Variants in NR3C2 observed in about 807,000 individuals in gnomAD.
NR3C2 encodes the protein mineralocorticoid receptor.
In NR3C2, 15 loss-of-function variants were observed where a neutral mutation model predicts 86.4. That is an observed-to-expected ratio of 0.17 (90% CI 0.12 to 0.27). The LOEUF (loss-of-function observed/expected upper bound fraction) is 0.27. Among genes scored for constraint, NR3C2 ranks in the 10% least tolerant of loss-of-function variants. The pLI is 1.00. For synonymous variants in NR3C2, 458 were observed against 450.5 expected, an observed-to-expected ratio of 1.02 and a Z score of -0.21; for missense variants, 960 against 1,195.6, an observed-to-expected ratio of 0.80 and a Z score of 2.91.
At chr4:148,202,098 C>T (rs975998805) in intron 3 of NR3C2, among the ~76,000 whole-genome samples, 1 of 152,218 alleles carries the variant, frequency 6.6e-6, no homozygotes, top group Non-Finnish European at 1.5e-5. Flanking sequence ...TGACTTATCA[C>T]ACATTGGGAA....
intron 2 of NR3C2, among the ~76,000 whole-genome samples, chr4:148,429,147 T>A (rs1749686043): frequency 6.6e-6 from 1 of 152,166 alleles, no homozygotes. Context: ...AAATACCAAC[T>A]CTGATCATCC....
chr4:148,370,638 T>C (rs928454470), intron 2 of NR3C2, among the ~76,000 whole-genome samples: 1 of 152,232 alleles, frequency 6.6e-6, no homozygotes, highest in Middle Eastern at 3.4e-3. Flanking sequence ...ATGAAGTTTA[T>C]AAGAAATTAA....
At chr4:148,227,662 T>C (rs1738245874) in intron 3 of NR3C2, among the ~76,000 whole-genome samples, 1 of 152,224 alleles carries the variant, frequency 6.6e-6, no homozygotes, top group Non-Finnish European at 1.5e-5. Flanking sequence ...AGCTGTCCCT[T>C]TTTCACCATT....
At chr4:148,277,137 G>A (rs1193761042) in intron 2 of NR3C2, among the ~76,000 whole-genome samples, 2 of 152,120 alleles carry the variant, frequency 1.3e-5, no homozygotes, top group Non-Finnish European at 2.9e-5. Flanking sequence ...GCAAACTGAA[G>A]ATCGAGATCA....
At chr4:148,167,550 C>T (rs565117161) in intron 4 of NR3C2, among the ~76,000 whole-genome samples, 5 of 152,280 alleles carry the variant, frequency 3.3e-5, no homozygotes, top group African/African-American at 1.2e-4. Flanking sequence ...CCATGCCCAA[C>T]ATGATATACT....
intron 4 of NR3C2, among the ~76,000 whole-genome samples, chr4:148,194,256 C>T (rs1419489664): frequency 1.3e-5 from 2 of 152,088 alleles, no homozygotes; most frequent in African/African-American, 2.4e-5. Flanking sequence ...TGTATACTTT[C>T]GCATTTGGTT....
chr4:148,194,691 G>A, intron 4 of NR3C2, 55 bp downstream of exon 4: 2 of 1,137,764 alleles, frequency 1.8e-6, no homozygotes, highest in Non-Finnish European at 2.6e-6. Context: ...ACAGATCTTA[G>A]TGCTGTTGCA....
At chr4:148,438,752 A>C (rs1331889175) in intron 1 of NR3C2, among the ~76,000 whole-genome samples, 2 of 152,172 alleles carry the variant, frequency 1.3e-5, no homozygotes, top group African/African-American at 2.4e-5. Context: ...CCTATGAAGA[A>C]ATTTAATGTC....
chr4:148,146,916 ACC>A (rs1245515653), intron 6 of NR3C2, among the ~76,000 whole-genome samples: 1 of 152,072 alleles, frequency 6.6e-6, no homozygotes, highest in Admixed American at 6.6e-5. Context: ...GTAATACTGA[ACC>A]TTCATTTCAG....
At chr4:148,202,133 T>C (rs950612954) in intron 3 of NR3C2, among the ~76,000 whole-genome samples, 1 of 152,228 alleles carries the variant, frequency 6.6e-6, no homozygotes, top group Non-Finnish European at 1.5e-5. Context: ...TATGGGGGAC[T>C]GAATATGGAA....
chr4:148,243,512 T>A (rs1233714053), intron 3 of NR3C2, among the ~76,000 whole-genome samples: 1 of 152,218 alleles, frequency 6.6e-6, no homozygotes, highest in African/African-American at 2.4e-5. Context: ...GAGTTCCATT[T>A]GAGACCAGAC....
intron 8 of NR3C2, among the ~76,000 whole-genome samples, chr4:148,104,514 A>G (rs1731705703): frequency 6.6e-6 from 1 of 152,196 alleles, no homozygotes; most frequent in African/African-American, 2.4e-5. Context: ...CACCGCTAAC[A>G]ATTATAATAA....
intron 2 of NR3C2, among the ~76,000 whole-genome samples, chr4:148,358,994 A>C (rs1157321934): frequency 6.6e-6 from 1 of 152,162 alleles, no homozygotes; most frequent in East Asian, 1.9e-4. Context: ...ACAGAGTGCA[A>C]GAATCATTTT....
intron 3 of NR3C2, among the ~76,000 whole-genome samples, chr4:148,229,422 T>A (rs1738351740): frequency 6.6e-6 from 1 of 152,194 alleles, no homozygotes; most frequent in African/African-American, 2.4e-5. Flanking sequence ...GGTCATGAGA[T>A]CAGAACCTGG....
intron 6 of NR3C2, among the ~76,000 whole-genome samples, chr4:148,143,203 A>G (rs1405173985): frequency 1.3e-5 from 2 of 152,226 alleles, no homozygotes; most frequent in South Asian, 4.1e-4. Context: ...TGCACAGAGA[A>G]CAGACATCCA....
chr4:148,396,700 T>G (rs61756939), intron 2 of NR3C2, among the ~76,000 whole-genome samples: 44 of 152,194 alleles, frequency 2.9e-4, no homozygotes, highest in Admixed American at 1.3e-4. Flanking sequence ...TTAATTCATT[T>G]AAAAATCACA....
At chr4:148,281,757 C>T (rs899794081) in intron 2 of NR3C2, among the ~76,000 whole-genome samples, 12 of 152,210 alleles carry the variant, frequency 7.9e-5, no homozygotes, top group Admixed American at 6.5e-4. Context: ...AACAAGTATC[C>T]TTGCTGTGCA....
At chr4:148,314,408 C>T (rs1743061410) in intron 2 of NR3C2, among the ~76,000 whole-genome samples, 2 of 152,210 alleles carry the variant, frequency 1.3e-5, no homozygotes, top group South Asian at 4.2e-4. Context: ...TATTATCAGT[C>T]ATCGGAAAGG....
intron 2 of NR3C2, among the ~76,000 whole-genome samples, chr4:148,296,925 A>G (rs1742080651): frequency 6.6e-6 from 1 of 152,246 alleles, no homozygotes; most frequent in Admixed American, 6.5e-5. Context: ...AAAAGACCAG[A>G]TAACACCTAA....
Sources: allele counts gnomAD v4.1 joint callset (sites outside exome capture counted in the v4.1 genomes callset), GRCh38; gene constraint gnomAD v4.1.1; transcripts MANE v1.5; gene names NCBI Gene and HGNC (gene_info 2026-07-23, HGNC 2026-07-21).